EEIG2: variants seen among roughly 807,000 people sequenced by gnomAD.
EEIG2 encodes family with sequence similarity 102 member B.
At chr1:108,562,934 G>A in the EEIG2 span, among the ~76,000 whole-genome samples, 1 of 152,132 alleles carries the variant, frequency 6.6e-6, no homozygotes, top group Non-Finnish European at 1.5e-5. Context: ...TGCCAGTCAA[G>A]GCAGTGCATC....
the EEIG2 span, among the ~76,000 whole-genome samples, chr1:108,595,871 A>C: frequency 6.6e-6 from 1 of 152,178 alleles, no homozygotes; most frequent in African/African-American, 2.4e-5. Flanking sequence ...AAAGAAATCA[A>C]GTGAACTCTG....
chr1:108,610,905 C>T, the EEIG2 span, among the ~76,000 whole-genome samples: 1 of 151,900 alleles, frequency 6.6e-6, no homozygotes, highest in Admixed American at 6.6e-5. Context: ...GAGCCAAGAT[C>T]GTGCCACTGC....
At chr1:108,606,339 C>G in the EEIG2 span, 5 of 878,434 alleles carry the variant, frequency 5.7e-6, no homozygotes, top group Non-Finnish European at 8.5e-6. Context: ...GTTTACTCTT[C>G]TAATATCTGT....
chr1:108,636,404 T>C, the EEIG2 span: 1 of 152,204 alleles, frequency 6.6e-6, no homozygotes, highest in African/African-American at 2.4e-5. Flanking sequence ...TTCAAAGTCA[T>C]ATCCAAGAAA....
At chr1:108,560,571 T>C in the EEIG2 span, 1 of 1,608,642 alleles carries the variant, frequency 6.2e-7, no homozygotes. Flanking sequence ...TCCAGGTAAC[T>C]CGCCTCCCGC....
chr1:108,603,416 C>A, the EEIG2 span, among the ~76,000 whole-genome samples: 1 of 150,088 alleles, frequency 6.7e-6, no homozygotes, highest in Non-Finnish European at 1.5e-5. Flanking sequence ...GAGTTTCAAC[C>A]TAGTAGGAAG....
At chr1:108,628,592 T>G in the EEIG2 span, 1 of 1,592,740 alleles carries the variant, frequency 6.3e-7, no homozygotes, top group Non-Finnish European at 8.5e-7. Flanking sequence ...CAGGTATCCT[T>G]TTAGTTTAAA....
chr1:108,579,768 T>TGAGAGAGAGAGA, the EEIG2 span, among the ~76,000 whole-genome samples: 9 of 14,356 alleles, frequency 6.3e-4, no homozygotes, highest in East Asian at 2.3e-3. Flanking sequence ...TGTGTGTGTG[T>TGAGAGAGAGAGA]GTGTGAGAGA....
the EEIG2 span, among the ~76,000 whole-genome samples, chr1:108,610,492 T>C: frequency 6.6e-6 from 1 of 152,058 alleles, no homozygotes; most frequent in Non-Finnish European, 1.5e-5. Flanking sequence ...TGTTGGAGGG[T>C]CAACGAAAAG....
chr1:108,568,270 C>T, the EEIG2 span, among the ~76,000 whole-genome samples: 1 of 152,106 alleles, frequency 6.6e-6, no homozygotes, highest in Non-Finnish European at 1.5e-5. Context: ...AGATGACACA[C>T]ATACAGAGAT....
the EEIG2 span, among the ~76,000 whole-genome samples, chr1:108,568,773 G>A: frequency 6.0e-4 from 91 of 152,256 alleles, no homozygotes; most frequent in Non-Finnish European, 1.1e-3. Context: ...CACAGGGACT[G>A]ACTTGGCTCA....
At chr1:108,584,726 A>G in the EEIG2 span, among the ~76,000 whole-genome samples, 1 of 152,104 alleles carries the variant, frequency 6.6e-6, no homozygotes, top group Non-Finnish European at 1.5e-5. Flanking sequence ...TCAGGTTACC[A>G]TAAGGTTTTG....
At chr1:108,586,814 A>G in the EEIG2 span, among the ~76,000 whole-genome samples, 1 of 152,184 alleles carries the variant, frequency 6.6e-6, no homozygotes, top group Non-Finnish European at 1.5e-5. Flanking sequence ...TTGGAGCTGT[A>G]ATTGAAGAAA....
At chr1:108,567,922 T>C in the EEIG2 span, among the ~76,000 whole-genome samples, 4 of 151,978 alleles carry the variant, frequency 2.6e-5, no homozygotes, top group Non-Finnish European at 4.4e-5. Flanking sequence ...TCTCTTGAGC[T>C]TGGGAGATTG....
At chr1:108,635,085 GTT>G in the EEIG2 span, 2 of 1,614,002 alleles carry the variant, frequency 1.2e-6, no homozygotes, top group African/African-American at 1.3e-5. Context: ...AAATTTTGAA[GTT>G]TTTTTCCACT....
At chr1:108,601,723 G>A in the EEIG2 span, among the ~76,000 whole-genome samples, 1 of 151,976 alleles carries the variant, frequency 6.6e-6, no homozygotes. Flanking sequence ...TAAACACTTG[G>A]CAAAAAAACT....
the EEIG2 span, among the ~76,000 whole-genome samples, chr1:108,576,102 C>T: frequency 6.6e-6 from 1 of 152,172 alleles, no homozygotes; most frequent in Non-Finnish European, 1.5e-5. Context: ...TCACCTCAGC[C>T]TCCCAAGTAG....
the EEIG2 span, among the ~76,000 whole-genome samples, chr1:108,604,191 TTGGTAG>T: frequency 1.3e-5 from 2 of 152,198 alleles, no homozygotes; most frequent in Admixed American, 6.5e-5. Flanking sequence ...GGCAAAGTTC[TTGGTAG>T]TGGGATTGGA....
the EEIG2 span, among the ~76,000 whole-genome samples, chr1:108,620,251 T>G: frequency 6.6e-6 from 1 of 152,216 alleles, no homozygotes; most frequent in African/African-American, 2.4e-5. Flanking sequence ...GTATAGCAGA[T>G]CCTTAGTCTC....
Sources: gnomAD v4.1 joint callset for allele counts (sites outside exome capture counted in the v4.1 genomes callset) on GRCh38, gnomAD v4.1.1 for gene constraint, MANE v1.5 for transcripts, NCBI Gene and HGNC (gene_info 2026-07-23, HGNC 2026-07-21) for gene names.